Variants in DLG2 observed in about 807,000 individuals in gnomAD.
DLG2 encodes disks large homolog 2.
In DLG2, 45 loss-of-function variants were observed where a neutral mutation model predicts 132.5. The observed-to-expected ratio is 0.34, with a 90% CI of 0.27 to 0.44. The LOEUF is 0.44. DLG2 is among the 20% of genes least tolerant of loss of function. The pLI is 1.00. For synonymous variants in DLG2, 424 were observed against 419.6 expected (o/e 1.01, Z -0.13); for missense variants, 1,045 against 1,196.9 (o/e 0.87, Z 1.87).
intron 6 of DLG2, among the ~76,000 whole-genome samples, chr11:84,722,903 G>A (rs965112151): frequency 9.2e-5 from 14 of 152,152 alleles, no homozygotes; most frequent in African/African-American, 3.4e-4. Flanking sequence ...GACTCAGGAG[G>A]TCTAATCTAT....
chr11:84,431,239 C>T (rs186357158), intron 7 of DLG2, among the ~76,000 whole-genome samples: 3 of 152,180 alleles, frequency 2.0e-5, no homozygotes, highest in African/African-American at 7.2e-5. Context: ...ATAGTATACG[C>T]AAACATACAG....
chr11:84,220,719 T>A (rs892690057), intron 8 of DLG2, among the ~76,000 whole-genome samples: 1 of 151,858 alleles, frequency 6.6e-6, no homozygotes, highest in Admixed American at 6.6e-5. Context: ...CAACCATTTA[T>A]ATGACTAAGA....
In DLG2 at chr11:85,547,793, G is replaced by A. The variant is rs868571408; in HGVS notation, c.40+50864C>T. On this transcript the variant is annotated intron_variant, in intron 3 of 27. Coordinates refer to ENST00000376104, the MANE Select transcript of DLG2 (RefSeq NM_001142699.3). ...GATCAATTTGGCTATTGATATTTGC[G>A]TATGCCTCATGAAGCTCTCCTGCTG... Among the ~76,000 whole-genome samples the A allele has an allele frequency of 1.8e-4, 28 of 151,938 alleles. No individual in the cohort carries two copies. In the East Asian group the frequency reaches 3.7e-3, roughly 20 times the overall value.
At chr11:84,363,189 A>G (rs1477459770) in intron 7 of DLG2, among the ~76,000 whole-genome samples, 1 of 151,900 alleles carries the variant, frequency 6.6e-6, no homozygotes, top group Non-Finnish European at 1.5e-5. Context: ...CTGACTTTTT[A>G]ATGATCGCCA....
At chr11:84,503,547 G>A (rs888830996) in intron 7 of DLG2, among the ~76,000 whole-genome samples, 1 of 152,160 alleles carries the variant, frequency 6.6e-6, no homozygotes, top group Admixed American at 6.5e-5. Flanking sequence ...TTTCCATAGA[G>A]TGTGCCACAG....
intron 6 of DLG2, among the ~76,000 whole-genome samples, chr11:84,796,424 T>G (rs2074616982): frequency 6.6e-6 from 1 of 152,224 alleles, no homozygotes; most frequent in Admixed American, 6.5e-5. Flanking sequence ...TATTAGTAGT[T>G]TGCATGCCAC....
At chr11:85,066,866 G>A (rs4474457) in intron 6 of DLG2, among the ~76,000 whole-genome samples, 290 of 151,722 alleles carry the variant, frequency 1.9e-3, no homozygotes, top group African/African-American at 6.7e-3. Flanking sequence ...CCTAAGAACT[G>A]GAACAAAACA....
At chr11:84,318,781 T>C (rs1271275903) in intron 7 of DLG2, among the ~76,000 whole-genome samples, 1 of 152,160 alleles carries the variant, frequency 6.6e-6, no homozygotes, top group Non-Finnish European at 1.5e-5. Flanking sequence ...TGGCCAGATA[T>C]GTAAGTTTAG....
intron 17 of DLG2, among the ~76,000 whole-genome samples, chr11:83,829,344 A>C (rs1050458463): frequency 1.3e-5 from 2 of 151,830 alleles, no homozygotes; most frequent in Non-Finnish European, 2.9e-5. Flanking sequence ...CTACAGGTGC[A>C]CACCACGATG....
chr11:84,675,137 C>A (rs549708885), intron 6 of DLG2, among the ~76,000 whole-genome samples: 1 of 152,118 alleles, frequency 6.6e-6, no homozygotes, highest in Non-Finnish European at 1.5e-5. Context: ...TCCAGTCCAA[C>A]CCTGCGGCCC....
chr11:84,616,092 G>A (rs2099603953), intron 6 of DLG2, among the ~76,000 whole-genome samples: 1 of 152,004 alleles, frequency 6.6e-6, no homozygotes, highest in Admixed American at 6.6e-5. Context: ...TTTCAGACTG[G>A]AATGGCAAAG....
chr11:85,333,986 G>C (rs1374331867), intron 3 of DLG2, among the ~76,000 whole-genome samples: 1 of 152,042 alleles, frequency 6.6e-6, no homozygotes, highest in Non-Finnish European at 1.5e-5. Context: ...TGCTTCTCTG[G>C]AGTAGTTTCA....
intron 14 of DLG2, among the ~76,000 whole-genome samples, chr11:83,953,518 C>T (rs528819953): frequency 1.4e-3 from 209 of 152,270 alleles, no homozygotes; most frequent in African/African-American, 4.9e-3. Context: ...GCCACCTGTC[C>T]ATGGAAAAAT....
At chr11:84,322,431 CA>C (rs1284064552) in intron 7 of DLG2, among the ~76,000 whole-genome samples, 1 of 152,160 alleles carries the variant, frequency 6.6e-6, no homozygotes, top group African/African-American at 2.4e-5. Flanking sequence ...GCATTTCTCT[CA>C]AGCTTTTTCA....
intron 11 of DLG2, among the ~76,000 whole-genome samples, chr11:84,051,785 GA>G (rs984844890): frequency 9.4e-5 from 14 of 149,260 alleles, no homozygotes; most frequent in African/African-American, 2.9e-4. Flanking sequence ...TAAAAAAAAA[GA>G]AAAAAAAAGA....
intron 6 of DLG2, chr11:84,720,534 C>A (rs972670464): frequency 1.0e-6 from 1 of 975,004 alleles, no homozygotes; most frequent in African/African-American, 1.8e-5. Flanking sequence ...CCCGGAGCCC[C>A]GGTGGAAGCA....
chr11:83,505,907 A>C (rs2094674050), intron 21 of DLG2, among the ~76,000 whole-genome samples: 1 of 152,186 alleles, frequency 6.6e-6, no homozygotes, highest in South Asian at 2.1e-4. Context: ...TACTGATCAT[A>C]GGGAACTCCC....
intron 11 of DLG2, among the ~76,000 whole-genome samples, chr11:84,051,078 C>A (rs1392955651): frequency 1.3e-5 from 2 of 151,898 alleles, no homozygotes; most frequent in African/African-American, 4.8e-5. Flanking sequence ...AGTGAGATAC[C>A]ATCTCACACC....
intron 6 of DLG2, among the ~76,000 whole-genome samples, chr11:84,942,641 C>A (rs983784508): frequency 1.3e-5 from 2 of 152,178 alleles, no homozygotes; most frequent in African/African-American, 4.8e-5. Flanking sequence ...CATGGCCCAA[C>A]ATATGGGCAA....
Sources: allele counts gnomAD v4.1 joint callset (sites outside exome capture counted in the v4.1 genomes callset), GRCh38; gene constraint gnomAD v4.1.1; transcripts MANE v1.5; gene names NCBI Gene and HGNC (gene_info 2026-07-23, HGNC 2026-07-21).